Variants in FGF12 observed in about 807,000 individuals in gnomAD.
The protein encoded by FGF12 is fibroblast growth factor 12B.
In FGF12, 14 loss-of-function variants were observed where a neutral mutation model predicts 23.6. The observed-to-expected ratio is 0.59, with a 90% CI of 0.39 to 0.93. FGF12 has a LOEUF of 0.93. Among genes scored for constraint, FGF12 ranks in the 40% least tolerant of loss-of-function variants. The pLI, the probability that FGF12 is intolerant of heterozygous loss-of-function variation, is 0.00. For missense variants in FGF12, 175 were observed against 217.8 expected (o/e 0.80, Z 1.24); for synonymous variants, 62 against 77.3 (o/e 0.80, Z 1.04).
At chr3:192,349,341 G>C (rs1718103959) in intron 3 of FGF12, among the ~76,000 whole-genome samples, 1 of 151,996 alleles carries the variant, frequency 6.6e-6, no homozygotes, top group African/African-American at 2.4e-5. Context: ...ATGAATTTCA[G>C]GAATTTTAAA....
chr3:192,225,886 A>C (rs1246351630), intron 4 of FGF12, among the ~76,000 whole-genome samples: 1 of 152,196 alleles, frequency 6.6e-6, no homozygotes, highest in African/African-American at 2.4e-5. Flanking sequence ...TACTTACGTG[A>C]AATGTGCAAA....
chr3:192,320,965 A>G (rs1447858073), intron 4 of FGF12, among the ~76,000 whole-genome samples: 1 of 152,126 alleles, frequency 6.6e-6, no homozygotes, highest in Non-Finnish European at 1.5e-5. Flanking sequence ...AGACCAGAGC[A>G]GTAGTAAAGG....
intron 4 of FGF12, among the ~76,000 whole-genome samples, chr3:192,296,695 T>TTAATGCACATAAG (rs1467803790): frequency 6.6e-6 from 1 of 152,204 alleles, no homozygotes; most frequent in East Asian, 1.9e-4. Context: ...CTTTATGAGT[T>TTAATGCACATAAG]TAATGCACAT....
intron 2 of FGF12, among the ~76,000 whole-genome samples, chr3:192,686,719 A>G (rs545443670): frequency 6.6e-6 from 1 of 150,512 alleles, no homozygotes; most frequent in East Asian, 2.0e-4. Flanking sequence ...AGGGAAAGAG[A>G]TTTCTTAAGA....
chr3:192,150,811 T>A (rs1029868976), intron 5 of FGF12, among the ~76,000 whole-genome samples: 9 of 142,124 alleles, frequency 6.3e-5, no homozygotes, highest in African/African-American at 2.1e-4. Context: ...TCTTTTTTGG[T>A]TCCATATGAA....
At chr3:192,723,079 T>C (rs1719091229) in intron 2 of FGF12, among the ~76,000 whole-genome samples, 1 of 152,088 alleles carries the variant, frequency 6.6e-6, no homozygotes, top group Non-Finnish European at 1.5e-5. Flanking sequence ...TGTTTAGAAG[T>C]GCCTTGATTT....
At chr3:192,145,980 A>G (rs1713676947) in intron 5 of FGF12, among the ~76,000 whole-genome samples, 1 of 152,218 alleles carries the variant, frequency 6.6e-6, no homozygotes, top group Admixed American at 6.5e-5. Context: ...TGTGCAAAAT[A>G]CAACCATTTA....
At chr3:192,585,088 T>G (rs1337507248) in intron 2 of FGF12, among the ~76,000 whole-genome samples, 1 of 152,184 alleles carries the variant, frequency 6.6e-6, no homozygotes, top group Non-Finnish European at 1.5e-5. Context: ...TGAGAAAAAG[T>G]TACCCTGCTT....
chr3:192,188,891 A>G (rs1006689281), intron 4 of FGF12, among the ~76,000 whole-genome samples: 5 of 152,212 alleles, frequency 3.3e-5, no homozygotes, highest in Non-Finnish European at 7.3e-5. Flanking sequence ...AGGTTTTTCA[A>G]GTTCACAACA....
chr3:192,496,459 T>C (rs753971453), intron 2 of FGF12, among the ~76,000 whole-genome samples: 19 of 152,134 alleles, frequency 1.2e-4, no homozygotes, highest in Non-Finnish European at 2.1e-4. Flanking sequence ...GTCTTTTTCC[T>C]GCAACATCAG....
chr3:192,440,513 G>A (rs1432039582), intron 2 of FGF12, among the ~76,000 whole-genome samples: 2 of 152,164 alleles, frequency 1.3e-5, no homozygotes, highest in Non-Finnish European at 2.9e-5. Context: ...ACGGAATGTA[G>A]CGATACTGCC....
At chr3:192,225,890 G>A (rs1718707196) in intron 4 of FGF12, among the ~76,000 whole-genome samples, 1 of 152,164 alleles carries the variant, frequency 6.6e-6, no homozygotes, top group Non-Finnish European at 1.5e-5. Flanking sequence ...TACGTGAAAT[G>A]TGCAAAATAG....
chr3:192,375,409 T>C (rs1482239905), intron 2 of FGF12, among the ~76,000 whole-genome samples: 1 of 152,212 alleles, frequency 6.6e-6, no homozygotes. Flanking sequence ...CTGTCTCTAT[T>C]ATTTTAGTAG....
chr3:192,360,333 G>C lies in FGF12; in HGVS notation c.124+95C>G. 1.2e-6 allele frequency: 1 copy of C among 825,356 alleles called. No homozygotes were observed. Among genetic ancestry groups the C allele is most frequent in the South Asian group, 1.5e-5 (1 of 66,818 alleles). 51.1% of individuals were successfully genotyped at this position (825,356 alleles called of 1,614,324 possible). On this transcript the variant is annotated intron_variant, in intron 3 of 5. Coordinates refer to ENST00000445105, the MANE Select transcript of FGF12 (RefSeq NM_004113.6). The surrounding 1 kb of genome is among the most constrained non-coding windows in gnomAD (Gnocchi z 4.3). ...ATAGTTAAATAGTTTGAAAGGCATA[G>C]TTTGGTAAGGCAGCTTAGCAATGCT...
chr3:192,368,631 A>G (rs1163402450), intron 2 of FGF12, among the ~76,000 whole-genome samples: 1 of 152,182 alleles, frequency 6.6e-6, no homozygotes, highest in African/African-American at 2.4e-5. Context: ...GAGTCCACAA[A>G]CTATAGCCCT....
intron 4 of FGF12, among the ~76,000 whole-genome samples, chr3:192,207,040 G>GA (rs1269348155): frequency 1.3e-5 from 2 of 152,118 alleles, no homozygotes; most frequent in African/African-American, 4.8e-5. Flanking sequence ...ATTATATTGG[G>GA]AAAAAAATAA....
In FGF12 at chr3:192,315,202, A is replaced by G. The variant is rs1457545792; in HGVS notation, c.228+20159T>C. On this transcript the variant is annotated intron_variant, in intron 4 of 5. Coordinates refer to ENST00000445105, the MANE Select transcript of FGF12 (RefSeq NM_004113.6). Reference sequence around the variant, plus strand: ...TGGAGCATGCTGCACTCCGTGATCTATCTCTGTCTATCATTGTTCTTATTT... The same window carrying G: ...TGGAGCATGCTGCACTCCGTGATCTGTCTCTGTCTATCATTGTTCTTATTT... 2.0e-5 allele frequency among the ~76,000 whole-genome samples: 3 copies of G among 152,160 alleles called. No individual in the cohort carries two copies. In the East Asian group the frequency reaches 5.8e-4, roughly 29 times the overall value.
At chr3:192,191,755 G>T (rs995918203) in intron 4 of FGF12, among the ~76,000 whole-genome samples, 4 of 151,508 alleles carry the variant, frequency 2.6e-5, no homozygotes, top group Non-Finnish European at 5.9e-5. Flanking sequence ...AGAATGGCAC[G>T]AACCCGGGAG....
intron 2 of FGF12, among the ~76,000 whole-genome samples, chr3:192,532,263 A>T (rs1388938772): frequency 1.3e-5 from 2 of 150,908 alleles, no homozygotes; most frequent in African/African-American, 2.4e-5. Context: ...GAATTTTAGG[A>T]TTTTTTTTTC....
Sources: gnomAD v4.1 joint callset for allele counts (sites outside exome capture counted in the v4.1 genomes callset) on GRCh38, gnomAD v4.1.1 for gene constraint, Gnocchi (gnomAD v3.1) non-coding constraint, MANE v1.5 for transcripts, NCBI Gene and HGNC (gene_info 2026-07-23, HGNC 2026-07-21) for gene names.